The following PCDHGA10 variants were observed in gnomAD, a reference collection of about 807,000 sequenced individuals.
PCDHGA10 encodes the protein protocadherin gamma subfamily A, 10.
A neutral mutation model predicts 59.5 loss-of-function variants in PCDHGA10; 42 were observed. The ratio of observed to expected loss-of-function variants is 0.71; its 90% CI spans 0.55 to 0.91. The LOEUF (loss-of-function observed/expected upper bound fraction) is 0.91, where lower values mean the gene tolerates loss of function less well. Among genes scored for constraint, PCDHGA10 ranks in the 40% least tolerant of loss-of-function variants. The pLI, the probability that PCDHGA10 is intolerant of heterozygous loss-of-function variation, is 0.00. For missense variants in PCDHGA10, 1,111 were observed against 1,198.2 expected (o/e 0.93, Z 1.07); for synonymous variants, 511 against 517.2 (o/e 0.99, Z 0.16).
intron 1 of PCDHGA10, among the ~76,000 whole-genome samples, chr5:141,433,853 A>C (rs934981508): frequency 1.3e-5 from 2 of 151,912 alleles, no homozygotes; most frequent in African/African-American, 2.4e-5. Context: ...AAAAAAAAAA[A>C]AACTTTATCC....
Position 141,487,568 on chromosome 5 carries a change from C to G in PCDHGA10, c.2437-7239C>G, listed in dbSNP as rs752378906. The G allele has an allele frequency of 1.9e-6, 3 of 1,614,180 alleles. No homozygotes were observed. Among genetic ancestry groups the G allele is most frequent in the Non-Finnish European group, 2.5e-6 (3 of 1,180,042 alleles). ...ACCCAGTGCACCTATGGCAGGGGAG[C>G]CTGTTCGCCCAAGCTGCCCACCCTC... On this transcript the variant is annotated intron_variant, in intron 1 of 3. Transcript: ENST00000398610. This position sits in a 1 kb window ranked among gnomAD's most constrained non-coding sequence, Gnocchi z 5.0.
chr5:141,487,109 G>A lies in PCDHGA10; in HGVS notation c.2437-7698G>A. 2 of 1,614,122 alleles carry A rather than the reference G, an allele frequency of 1.2e-6. No homozygotes were observed. Among genetic ancestry groups the A allele is most frequent in the Non-Finnish European group, 1.7e-6 (2 of 1,180,004 alleles). ...CCTCCCACCACAGAAGCTGGTCATTGTGGTAAAGGATAGTGGTAGTCCACC... is the reference window on the plus strand; with the variant it reads ...CCTCCCACCACAGAAGCTGGTCATTATGGTAAAGGATAGTGGTAGTCCACC... On this transcript the variant is annotated intron_variant, in intron 1 of 3. Transcript: ENST00000398610. This position sits in a 1 kb window ranked among gnomAD's most constrained non-coding sequence, Gnocchi z 5.0.
chr5:141,421,118 T>C (rs572827470), intron 1 of PCDHGA10: 2 of 771,948 alleles, frequency 2.6e-6, no homozygotes, highest in Non-Finnish European at 2.0e-6. Context: ...GTATTTTCCT[T>C]CGCTTTCTGA....
intron 2 of PCDHGA10, among the ~76,000 whole-genome samples, chr5:141,500,428 C>G (rs1224554560): frequency 6.6e-6 from 1 of 151,836 alleles, no homozygotes; most frequent in African/African-American, 2.4e-5. Context: ...CCAGGATGGT[C>G]TCGATCTCCT....
In PCDHGA10 at chr5:141,419,703, G is replaced by C. The variant is rs2096418539; in HGVS notation, c.2436+4092G>C. 1 of 1,612,946 alleles carries C rather than the reference G, an allele frequency of 6.2e-7. No individual in the cohort carries two copies. The highest frequency in any genetic ancestry group is 1.3e-5 in the African/African-American group (1 of 74,946). The stretch of plus-strand genomic sequence containing the variant: ...CACGTGGTGCAGGCCAGTGAGCCCG[G>C]GCTCTTCAGCCTGGGGCTGCGAACA... On this transcript the variant is annotated intron_variant, in intron 1 of 3. Coordinates refer to ENST00000398610, the MANE Select transcript of PCDHGA10 (RefSeq NM_018913.3).
chr5:141,511,419 G>A lies in PCDHGA10; in HGVS notation c.*246G>A, dbSNP rs1437533706. On this transcript the variant is annotated 3_prime_UTR_variant, in exon 4 of 4. Coordinates refer to ENST00000398610, the MANE Select transcript of PCDHGA10 (RefSeq NM_018913.3). Reference sequence around the variant, plus strand: ...ATCCAATCAACTGCTGTACCCATGGGGGTAGTGGGGTTACTGTAGACACCA... The same window carrying A: ...ATCCAATCAACTGCTGTACCCATGGAGGTAGTGGGGTTACTGTAGACACCA... 1.2e-6 allele frequency: 1 copy of A among 830,454 alleles called. No individual in the cohort carries two copies. The highest frequency in any genetic ancestry group is 1.7e-5 in the African/African-American group (1 of 58,076). 51.4% of individuals were successfully genotyped at this position (830,454 alleles called of 1,614,324 possible).
chr5:141,499,689 C>CTTTTT (rs545067566), intron 2 of PCDHGA10, among the ~76,000 whole-genome samples: 5 of 119,848 alleles, frequency 4.2e-5, no homozygotes, highest in Admixed American at 8.7e-5. Context: ...TAACAGATGA[C>CTTTTT]TTTTTTTTTT....
At chr5:141,421,144 G>A (rs1241874764) in intron 1 of PCDHGA10, 1 of 999,180 alleles carries the variant, frequency 1.0e-6, no homozygotes, top group African/African-American at 1.6e-5. Flanking sequence ...TTTGGATGTA[G>A]TCGGCCTAGG....
intron 1 of PCDHGA10, chr5:141,433,023 A>C: frequency 6.2e-7 from 1 of 1,614,084 alleles, no homozygotes; most frequent in East Asian, 2.2e-5. Context: ...ACCTATTCCC[A>C]CGAGGTTTCC....
At chr5:141,478,862 C>T (rs1057119202) in intron 1 of PCDHGA10, 23 of 1,325,916 alleles carry the variant, frequency 1.7e-5, no homozygotes, top group Non-Finnish European at 2.2e-5. Flanking sequence ...AAGATCTCAG[C>T]GATCAGAGTT....
rs142329128 is a variant in PCDHGA10, at chr5:141,439,495, C to T, written c.2436+23884C>T. Among the ~76,000 whole-genome samples the T allele has an allele frequency of 9.7e-4, 147 of 152,324 alleles. 1 individual carries two copies. The highest frequency in any genetic ancestry group is 3.4e-3 in the African/African-American group (140 of 41,568). ...TCAGCTTGCAAATTCCAGTGAGAAACGTCTTTCTCTCTGCTCTCAACTAAC... is the reference window on the plus strand; with the variant it reads ...TCAGCTTGCAAATTCCAGTGAGAAATGTCTTTCTCTCTGCTCTCAACTAAC... On this transcript the variant is annotated intron_variant, in intron 1 of 3. Coordinates refer to ENST00000398610, the MANE Select transcript of PCDHGA10 (RefSeq NM_018913.3).
chr5:141,429,672 A>G (rs1036863132), intron 1 of PCDHGA10, among the ~76,000 whole-genome samples: 1 of 152,210 alleles, frequency 6.6e-6, no homozygotes, highest in African/African-American at 2.4e-5. Context: ...ATATTATTTT[A>G]TTTTATGCCT....
At chr5:141,433,349 T>C in intron 1 of PCDHGA10, 1 of 616,610 alleles carries the variant, frequency 1.6e-6, no homozygotes, top group East Asian at 2.8e-5. Flanking sequence ...GCAAGCCACC[T>C]ACTGTCTGCC....
rs988237114 is a variant in PCDHGA10 at position 141,493,830 on chromosome 5, G to A, written c.2437-977G>A. On this transcript the variant is annotated intron_variant, in intron 1 of 3. Transcript: ENST00000398610. This position sits in a 1 kb window ranked among gnomAD's most constrained non-coding sequence, Gnocchi z 4.3. ...ATACTCACACTCTCTGCTTCTGGGA[G>A]CAAGTATGAGTATTAATTACCAGCC... 1.3e-5 allele frequency among the ~76,000 whole-genome samples: 2 copies of A among 152,218 alleles called. No individual in the cohort carries two copies. The highest frequency in any genetic ancestry group is 4.8e-5 in the African/African-American group (2 of 41,456).
chr5:141,476,038 G>A lies in PCDHGA10; in HGVS notation c.2437-18769G>A, dbSNP rs1426234941. 1.3e-6 allele frequency: 2 copies of A among 1,484,842 alleles called. No homozygotes were observed. Among genetic ancestry groups the A allele is most frequent in the Non-Finnish European group, 1.8e-6 (2 of 1,118,086 alleles). 92.0% of individuals were successfully genotyped at this position (1,484,842 alleles called of 1,614,324 possible). The stretch of plus-strand genomic sequence containing the variant: ...GTCGGACTCGGCGCCCAGCGCCCAA[G>A]CGCTAACCCGCTGAAAGTTTCTCAG... On this transcript the variant is annotated intron_variant, in intron 1 of 3. Coordinates refer to ENST00000398610, the MANE Select transcript of PCDHGA10 (RefSeq NM_018913.3). The surrounding 1 kb of genome is among the most constrained non-coding windows in gnomAD (Gnocchi z 7.6).
At chr5:141,430,827 T>A in intron 1 of PCDHGA10, 1 of 1,551,000 alleles carries the variant, frequency 6.4e-7, no homozygotes, top group South Asian at 1.3e-5. Flanking sequence ...CTGGGGACTC[T>A]GTGGGAGACC....
In PCDHGA10 at chr5:141,486,334, C is replaced by T; in HGVS notation, c.2437-8473C>T. 1.2e-6 allele frequency: 2 copies of T among 1,614,098 alleles called. No individual in the cohort carries two copies. ...CAGGGTCAAACGGAGATGTGAGCCT[C>T]CGCATTCCTGACCACTTGCCATTTG... On this transcript the variant is annotated intron_variant, in intron 1 of 3. Coordinates refer to ENST00000398610, the MANE Select transcript of PCDHGA10 (RefSeq NM_018913.3). This position sits in a 1 kb window ranked among gnomAD's most constrained non-coding sequence, Gnocchi z 5.0.
chr5:141,462,792 G>C (rs2099046915), intron 1 of PCDHGA10, among the ~76,000 whole-genome samples: 1 of 152,080 alleles, frequency 6.6e-6, no homozygotes, highest in Admixed American at 6.6e-5. Flanking sequence ...TTGCTTATTT[G>C]CATGTCTAAT....
chr5:141,495,977 T>C (rs2099765025), intron 2 of PCDHGA10, among the ~76,000 whole-genome samples: 1 of 152,174 alleles, frequency 6.6e-6, no homozygotes, highest in Admixed American at 6.5e-5. Flanking sequence ...TCTGTTACTC[T>C]TTCTTTATCT....
Sources: gnomAD v4.1 joint callset for allele counts (sites outside exome capture counted in the v4.1 genomes callset) on GRCh38, gnomAD v4.1.1 for gene constraint, Gnocchi (gnomAD v3.1) non-coding constraint, MANE v1.5 for transcripts, NCBI Gene and HGNC (gene_info 2026-07-23, HGNC 2026-07-21) for gene names.